The following JAKMIP2 variants were observed in gnomAD, a reference collection of about 807,000 sequenced individuals.
The protein encoded by JAKMIP2 is janus kinase and microtubule interacting protein 2.
Under a neutral mutation model 115.0 loss-of-function variants are expected in JAKMIP2, and 25 were observed. The observed-to-expected ratio is 0.22, with a 90% CI of 0.16 to 0.30. The LOEUF is 0.30. Among genes scored for constraint, JAKMIP2 ranks in the 10% least tolerant of loss-of-function variants. JAKMIP2 has a pLI of 1.00. For missense variants in JAKMIP2, 642 were observed against 957.6 expected, an observed-to-expected ratio of 0.67 and a Z score of 4.35; for synonymous variants, 334 against 343.6, an observed-to-expected ratio of 0.97 and a Z score of 0.31.
chr5:147,675,175 G>C, intron 1 of JAKMIP2, among the ~76,000 whole-genome samples: 1 of 151,978 alleles, frequency 6.6e-6, no homozygotes. Context: ...ATTATGTGCC[G>C]GACTTTATAT....
intron 5 of JAKMIP2, among the ~76,000 whole-genome samples, 169 bp downstream of exon 5, chr5:147,648,207 T>C (rs1265837859): frequency 1.3e-5 from 2 of 152,204 alleles, no homozygotes; most frequent in Non-Finnish European, 1.5e-5. Context: ...TTCCATTTAT[T>C]CATCTGGATG....
At chr5:147,772,386 G>A (rs1256947469) in intron 1 of JAKMIP2, among the ~76,000 whole-genome samples, 1 of 147,540 alleles carries the variant, frequency 6.8e-6, no homozygotes, top group East Asian at 2.0e-4. Context: ...CTATATGAAT[G>A]AAAACTGAAT....
At chr5:147,702,805 C>G (rs1000384637) in intron 1 of JAKMIP2, among the ~76,000 whole-genome samples, 1 of 151,992 alleles carries the variant, frequency 6.6e-6, no homozygotes, top group Non-Finnish European at 1.5e-5. Context: ...TCTATACTTT[C>G]CATTTATATG....
chr5:147,749,219 G>A (rs537865632), intron 1 of JAKMIP2, among the ~76,000 whole-genome samples: 5 of 151,510 alleles, frequency 3.3e-5, no homozygotes, highest in African/African-American at 1.2e-4. Context: ...ATTTTCCTTA[G>A]GGCTAAACAA....
At chr5:147,615,809 G>GA (rs1756544017) in intron 19 of JAKMIP2, among the ~76,000 whole-genome samples, 1 of 152,038 alleles carries the variant, frequency 6.6e-6, no homozygotes, top group African/African-American at 2.4e-5. Context: ...TAGCACCTAG[G>GA]AAAAACATTT....
chr5:147,711,639 G>A (rs556688339), intron 1 of JAKMIP2, among the ~76,000 whole-genome samples: 8 of 152,258 alleles, frequency 5.3e-5, no homozygotes, highest in South Asian at 2.1e-4. Context: ...AGCAACGAGT[G>A]TAAATCATAG....
intron 2 of JAKMIP2, among the ~76,000 whole-genome samples, chr5:147,669,674 C>G (rs534130956): frequency 1.3e-5 from 2 of 152,126 alleles, no homozygotes; most frequent in South Asian, 4.1e-4. Flanking sequence ...AGGAGTCTGC[C>G]TCCCTTGAAG....
At chr5:147,767,832 T>A (rs1755207454) in intron 1 of JAKMIP2, among the ~76,000 whole-genome samples, 1 of 152,172 alleles carries the variant, frequency 6.6e-6, no homozygotes, top group African/African-American at 2.4e-5. Flanking sequence ...CATTTCTTAC[T>A]TCAGTCTTAT....
chr5:147,637,746 A>C, intron 10 of JAKMIP2, among the ~76,000 whole-genome samples: 1 of 152,062 alleles, frequency 6.6e-6, no homozygotes, highest in East Asian at 1.9e-4. Context: ...CTTTGTGCCT[A>C]AATTTAAGTC....
At chr5:147,695,824 A>C (rs1752084108) in intron 1 of JAKMIP2, among the ~76,000 whole-genome samples, 1 of 151,946 alleles carries the variant, frequency 6.6e-6, no homozygotes, top group Admixed American at 6.6e-5. Context: ...CTTGACTTAG[A>C]CTGAGACCTA....
At chr5:147,638,366 A>C (rs1415283504) in intron 10 of JAKMIP2, among the ~76,000 whole-genome samples, 1 of 152,046 alleles carries the variant, frequency 6.6e-6, no homozygotes, top group Non-Finnish European at 1.5e-5. Flanking sequence ...TTTTGGAGGA[A>C]TCTCCAAAAA....
intron 20 of JAKMIP2, 100 bp downstream of exon 20, chr5:147,612,206 A>T (rs761208248): frequency 1.2e-6 from 1 of 848,918 alleles, no homozygotes. Context: ...TCTGCAAGAC[A>T]CACAATAACT....
intron 19 of JAKMIP2, 51 bp from the exon 20 acceptor site, chr5:147,612,422 C>A (rs369213870): frequency 3.6e-6 from 4 of 1,106,530 alleles, no homozygotes; most frequent in African/African-American, 1.6e-5. Context: ...GTAAGTTGTG[C>A]GGAAAAATAA....
intron 1 of JAKMIP2, among the ~76,000 whole-genome samples, chr5:147,744,005 TCCTTCCTTCCTTCCTTCCTTC>T (rs1486305933): frequency 1.4e-5 from 1 of 70,364 alleles, no homozygotes; most frequent in African/African-American, 6.9e-5. Context: ...CTTCTTTCCT[TCCTTCCTTCCTTCCTTCCTTC>T]CTTCCTTCCT....
intron 1 of JAKMIP2, among the ~76,000 whole-genome samples, chr5:147,764,924 G>GAAAGAAAGAA: frequency 1.6e-5 from 1 of 63,088 alleles, no homozygotes; most frequent in African/African-American, 1.0e-4. Flanking sequence ...GAAAGAAAGA[G>GAAAGAAAGAA]AGAGAGAGAG....
At chr5:147,750,831 A>G (rs1754523812) in intron 1 of JAKMIP2, among the ~76,000 whole-genome samples, 1 of 152,164 alleles carries the variant, frequency 6.6e-6, no homozygotes. Context: ...TAGTGCACAG[A>G]GAGGAGGCCA....
rs771617266 is a variant in JAKMIP2, at chr5:147,640,733, G to A, written c.1372C>T (p.Pro458Ser). 31 of 1,613,620 alleles carry A rather than the reference G, an allele frequency of 1.9e-5. No individual in the cohort carries two copies. The highest frequency in any genetic ancestry group is 2.3e-5 in the Non-Finnish European group (27 of 1,179,784). The change falls in exon 9 of 22, where the codon CCA becomes TCA. Residue 458 changes from proline (P) to serine (S), a missense_variant. Coordinates refer to ENST00000616793, the MANE Select transcript of JAKMIP2 (RefSeq NM_001270941.2). ...SMASFRTDRT[P>S]ATPDDDLDES... The stretch of plus-strand genomic sequence containing the variant: ...TCCAAGTCATCATCAGGAGTAGCTG[G>A]TGTTCTGTCTGTTCTAAATGAGGCC...
chr5:147,621,029 T>C (rs189609597), intron 17 of JAKMIP2, among the ~76,000 whole-genome samples: 173 of 152,354 alleles, frequency 1.1e-3, no homozygotes, highest in Non-Finnish European at 1.9e-3. Context: ...TTGACTAGTG[T>C]TTAATAATAA....
At chr5:147,771,573 A>G (rs1755354899) in intron 1 of JAKMIP2, among the ~76,000 whole-genome samples, 1 of 152,082 alleles carries the variant, frequency 6.6e-6, no homozygotes, top group Non-Finnish European at 1.5e-5. Flanking sequence ...CAAATGAAAG[A>G]TACCTGTTGA....
Sources: gnomAD v4.1 joint callset for allele counts (sites outside exome capture counted in the v4.1 genomes callset) on GRCh38, gnomAD v4.1.1 for gene constraint, MANE v1.5 for transcripts, NCBI Gene and HGNC (gene_info 2026-07-23, HGNC 2026-07-21) for gene names.